The following CDH4 variants were observed in gnomAD, a reference collection of about 807,000 sequenced individuals.
The protein encoded by CDH4 is cadherin 4.
Under a neutral mutation model 86.0 loss-of-function variants are expected in CDH4, and 33 were observed. The ratio of observed to expected loss-of-function variants is 0.38; its 90% confidence interval spans 0.29 to 0.51. The LOEUF (loss-of-function observed/expected upper bound fraction) is 0.51, where lower values mean the gene tolerates loss of function less well. Ranked by LOEUF, CDH4 falls within the 20% of genes least tolerant of loss-of-function variation. The pLI, the probability that CDH4 is intolerant of heterozygous loss-of-function variation, is 0.86. For missense variants in CDH4, 1,114 were observed against 1,307.4 expected (o/e 0.85, Z 2.28); for synonymous variants, 555 against 549.4 (o/e 1.01, Z -0.14).
chr20:61,444,120 CTA>C (rs770079255), intron 2 of CDH4, among the ~76,000 whole-genome samples: 278 of 148,858 alleles, frequency 1.9e-3, no homozygotes, highest in Non-Finnish European at 3.5e-3. Context: ...GTGTGTATCT[CTA>C]TATGTGTCTC....
intron 2 of CDH4, among the ~76,000 whole-genome samples, chr20:61,713,059 C>T (rs1044063790): frequency 3.3e-5 from 5 of 152,200 alleles, no homozygotes; most frequent in African/African-American, 1.2e-4. Context: ...CTGTCGTTCA[C>T]TCATGTGGCC....
chr20:61,382,331 C>T (rs2084907397), intron 2 of CDH4, among the ~76,000 whole-genome samples: 1 of 152,168 alleles, frequency 6.6e-6, no homozygotes, highest in Non-Finnish European at 1.5e-5. Flanking sequence ...ATCGTTTCTT[C>T]ATCAGGATGA....
chr20:61,483,925 C>G (rs2085581783), intron 2 of CDH4, among the ~76,000 whole-genome samples: 1 of 152,112 alleles, frequency 6.6e-6, no homozygotes, highest in Admixed American at 6.5e-5. Context: ...GTTTTCTTTC[C>G]CTTTCGCTCC....
chr20:61,629,047 A>C (rs907675519), intron 2 of CDH4, among the ~76,000 whole-genome samples: 5 of 152,142 alleles, frequency 3.3e-5, no homozygotes, highest in Admixed American at 3.3e-4. Flanking sequence ...TCTCTGCGGG[A>C]GCCGCCTCTG....
intron 2 of CDH4, among the ~76,000 whole-genome samples, chr20:61,331,267 C>A (rs1031748783): frequency 3.3e-5 from 5 of 151,962 alleles, no homozygotes; most frequent in African/African-American, 1.2e-4. Flanking sequence ...CCTCCCTCAG[C>A]CTGTTCTCAC....
chr20:61,776,351 C>T (rs199630501), intron 4 of CDH4, among the ~76,000 whole-genome samples: 3 of 152,218 alleles, frequency 2.0e-5, no homozygotes, highest in Non-Finnish European at 2.9e-5. Context: ...CCTTTCTAAA[C>T]TAGAAATGTG....
chr20:61,658,171 TAG>T (rs915152595), intron 2 of CDH4, among the ~76,000 whole-genome samples: 1 of 151,906 alleles, frequency 6.6e-6, no homozygotes, highest in African/African-American at 2.4e-5. Context: ...ATCTCTCTAT[TAG>T]AGAGGGTTCA....
chr20:61,898,198 G>A lies in CDH4; in HGVS notation c.1188+3151G>A, dbSNP rs867502186. The stretch of plus-strand genomic sequence containing the variant: ...AGGGGCCAGCAGGATGGCGAAGGCC[G>A]GCCACACTGCCGCACATGCCGCCAG... On this transcript the variant is annotated intron_variant, in intron 8 of 15. Transcript: ENST00000614565. Among the ~76,000 whole-genome samples the A allele has an allele frequency of 2.5e-4, 38 of 152,376 alleles. 1 individual carries two copies. Among genetic ancestry groups the A allele is most frequent in the South Asian group, 1.0e-3 (5 of 4,830 alleles).
chr20:61,713,320 C>A (rs748457300), intron 2 of CDH4, among the ~76,000 whole-genome samples: 3 of 152,168 alleles, frequency 2.0e-5, no homozygotes, highest in Admixed American at 6.5e-5. Context: ...TCCACTCCCC[C>A]CCAGACCTCC....
At chr20:61,861,563 GA>G (rs1281287562) in intron 6 of CDH4, among the ~76,000 whole-genome samples, 1 of 83,740 alleles carries the variant, frequency 1.2e-5, no homozygotes, top group Non-Finnish European at 3.2e-5. Flanking sequence ...GCCTTTGGCT[GA>G]AAGTCACAGA....
chr20:61,431,316 G>A (rs1158417613), intron 2 of CDH4, among the ~76,000 whole-genome samples: 3 of 151,460 alleles, frequency 2.0e-5, no homozygotes, highest in Non-Finnish European at 4.4e-5. Context: ...TCCAGCGTAG[G>A]AGAAAATCTT....
At position 61,929,111 on chromosome 20, in the gene CDH4, T is replaced by G. The variant is rs147805002; in HGVS notation, c.2006-498T>G. On this transcript the variant is annotated intron_variant, in intron 12 of 15. Transcript: ENST00000614565. ...ACTCTTTATATATTCAGGAAATTAT[T>G]TCTTCATCCTACATGTTGCAATTGC... 3.3e-5 allele frequency among the ~76,000 whole-genome samples: 5 copies of G among 152,274 alleles called. No individual in the cohort carries two copies. In the East Asian group the frequency reaches 9.6e-4, roughly 29 times the overall value.
intron 11 of CDH4, among the ~76,000 whole-genome samples, chr20:61,926,196 G>A (rs2055042765): frequency 1.3e-5 from 2 of 152,214 alleles, no homozygotes; most frequent in Non-Finnish European, 2.9e-5. Context: ...CCGCTCTGAG[G>A]AGCTGCCCTT....
intron 2 of CDH4, among the ~76,000 whole-genome samples, chr20:61,520,971 T>A (rs944244842): frequency 6.6e-6 from 1 of 151,932 alleles, no homozygotes; most frequent in African/African-American, 2.4e-5. Flanking sequence ...GAAGGGCGAG[T>A]AGAATTGAGG....
intron 2 of CDH4, among the ~76,000 whole-genome samples, chr20:61,556,895 G>A (rs937765479): frequency 2.0e-5 from 3 of 152,104 alleles, no homozygotes; most frequent in African/African-American, 4.8e-5. Context: ...GTGAGGCGCC[G>A]CCATCCTCAC....
intron 2 of CDH4, among the ~76,000 whole-genome samples, chr20:61,296,294 T>C (rs1243643432): frequency 1.6e-5 from 2 of 128,184 alleles, no homozygotes; most frequent in African/African-American, 6.0e-5. Context: ...CGTGTGTGTG[T>C]GTGCGTGGGT....
chr20:61,527,913 G>A (rs1253304801), intron 2 of CDH4, among the ~76,000 whole-genome samples: 2 of 152,108 alleles, frequency 1.3e-5, no homozygotes, highest in Non-Finnish European at 2.9e-5. Context: ...CACCCTTTCC[G>A]CATCTTGCTC....
chr20:61,907,002 G>A (rs981627433), intron 8 of CDH4, among the ~76,000 whole-genome samples: 6 of 152,196 alleles, frequency 3.9e-5, no homozygotes, highest in East Asian at 1.9e-4. Flanking sequence ...CCTCACTGAC[G>A]ATGGGGCAGG....
chr20:61,424,916 G>A (rs2085203384), intron 2 of CDH4, among the ~76,000 whole-genome samples: 1 of 127,616 alleles, frequency 7.8e-6, no homozygotes, highest in Non-Finnish European at 1.8e-5. Flanking sequence ...ATAAGCCTGT[G>A]CCGCGTGGTC....
Sources: allele counts gnomAD v4.1 joint callset (sites outside exome capture counted in the v4.1 genomes callset), GRCh38; gene constraint gnomAD v4.1.1; transcripts MANE v1.5; gene names NCBI Gene and HGNC (gene_info 2026-07-23, HGNC 2026-07-21).